Variants in NAALADL2 observed in about 807,000 individuals in gnomAD.
NAALADL2 encodes the protein N-acetylated alpha-linked acidic dipeptidase like 2.
Under a neutral mutation model 87.2 loss-of-function variants are expected in NAALADL2, and 76 were observed. That is an observed-to-expected ratio of 0.87 (90% CI 0.72 to 1.05). The LOEUF (loss-of-function observed/expected upper bound fraction) is 1.05, where lower values mean the gene tolerates loss of function less well. Among genes scored for constraint, NAALADL2 ranks in the 50% least tolerant of loss-of-function variants. NAALADL2 has a pLI of 0.00. For synonymous variants in NAALADL2, 354 were observed against 331.0 expected (o/e 1.07, Z -0.75); for missense variants, 1,089 against 945.8 (o/e 1.15, Z -1.99).
intron 2 of NAALADL2, among the ~76,000 whole-genome samples, chr3:174,571,668 C>A (rs1016411260): frequency 2.6e-5 from 4 of 152,098 alleles, no homozygotes; most frequent in Non-Finnish European, 5.9e-5. Context: ...TGTGAGCCAC[C>A]ACTACTGACC....
At chr3:175,122,722 C>A (rs1412207169) in intron 2 of NAALADL2, among the ~76,000 whole-genome samples, 1 of 151,818 alleles carries the variant, frequency 6.6e-6, no homozygotes, top group African/African-American at 2.4e-5. Context: ...ACTGCACTCA[C>A]ATTTGCATTT....
intron 11 of NAALADL2, chr3:175,718,195 G>GTGTTTTTTTT: frequency 1.2e-6 from 1 of 822,738 alleles, no homozygotes; most frequent in Non-Finnish European, 1.7e-6. Context: ...AGGGCCTGTG[G>GTGTTTTTTTT]TTTTTTTTTT....
intron 1 of NAALADL2, among the ~76,000 whole-genome samples, chr3:174,533,606 C>T (rs1721443172): frequency 7.4e-6 from 1 of 134,842 alleles, no homozygotes; most frequent in Non-Finnish European, 1.6e-5. Context: ...GAGGAAGAAG[C>T]AACACAAAGG....
intron 10 of NAALADL2, among the ~76,000 whole-genome samples, chr3:175,604,719 C>T (rs1411373662): frequency 1.3e-5 from 2 of 152,080 alleles, no homozygotes; most frequent in Non-Finnish European, 2.9e-5. Context: ...CTGCCTGAAC[C>T]ACTATCTATA....
At chr3:175,156,768 T>A (rs892490169) in intron 2 of NAALADL2, among the ~76,000 whole-genome samples, 2 of 152,092 alleles carry the variant, frequency 1.3e-5, no homozygotes, top group South Asian at 2.1e-4. Flanking sequence ...ATCACATACA[T>A]AGGTTTATAC....
At chr3:175,081,520 T>G (rs1014278116) in intron 1 of NAALADL2, among the ~76,000 whole-genome samples, 1 of 152,176 alleles carries the variant, frequency 6.6e-6, no homozygotes, top group Non-Finnish European at 1.5e-5. Flanking sequence ...GAATGACATA[T>G]GAAGACCCCC....
At chr3:175,377,550 A>C (rs1767285606) in intron 5 of NAALADL2, among the ~76,000 whole-genome samples, 1 of 152,190 alleles carries the variant, frequency 6.6e-6, no homozygotes, top group South Asian at 2.1e-4. Context: ...GGACGGGGGC[A>C]GAGAAATTCT....
At chr3:174,633,376 T>C (rs923165634) in intron 2 of NAALADL2, among the ~76,000 whole-genome samples, 2 of 152,198 alleles carry the variant, frequency 1.3e-5, no homozygotes, top group African/African-American at 4.8e-5. Flanking sequence ...AAAGCTTTGT[T>C]TTACCTTATT....
At chr3:174,474,474 A>G (rs1390366098) in intron 1 of NAALADL2, among the ~76,000 whole-genome samples, 16 of 152,132 alleles carry the variant, frequency 1.1e-4, no homozygotes, top group Admixed American at 8.5e-4. Context: ...ATATTTTGTC[A>G]GTGTGATTTT....
rs9855249 is a variant in NAALADL2, at chr3:174,529,003, C to T, written c.-183-21566C>T. On this transcript the variant is annotated intron_variant, in intron 1 of 3. Coordinates refer to the NAALADL2 transcript ENST00000434257. Reference sequence around the variant, plus strand: ...ACATTTCAAAAGTAGTCATGCCTTCCCAACAGTCCCCCAAAATCTTAACTC... The same window carrying T: ...ACATTTCAAAAGTAGTCATGCCTTCTCAACAGTCCCCCAAAATCTTAACTC... 3.8e-3 allele frequency among the ~76,000 whole-genome samples: 582 copies of T among 152,220 alleles called. 10 individuals carry two copies. Among genetic ancestry groups the T allele is most frequent in the African/African-American group, 0.014 (570 of 41,548 alleles).
At chr3:174,897,139 A>G (rs1731640995) in intron 1 of NAALADL2, among the ~76,000 whole-genome samples, 1 of 152,206 alleles carries the variant, frequency 6.6e-6, no homozygotes, top group Non-Finnish European at 1.5e-5. Context: ...CCAGAAGCAC[A>G]GACAACCAAA....
chr3:174,871,946 A>G (rs1727881427), intron 1 of NAALADL2, among the ~76,000 whole-genome samples: 2 of 152,174 alleles, frequency 1.3e-5, no homozygotes, highest in Admixed American at 1.3e-4. Flanking sequence ...GAAAAATGAT[A>G]ACATTATCCA....
chr3:175,097,836 T>C (rs1359185660), intron 2 of NAALADL2, among the ~76,000 whole-genome samples: 3 of 152,178 alleles, frequency 2.0e-5, no homozygotes, highest in Admixed American at 2.0e-4. Context: ...GAACTAGATA[T>C]GCAAGATGAG....
At chr3:174,960,481 T>C (rs941250086) in intron 1 of NAALADL2, among the ~76,000 whole-genome samples, 2 of 152,078 alleles carry the variant, frequency 1.3e-5, no homozygotes, top group Non-Finnish European at 2.9e-5. Flanking sequence ...GGACTTACTA[T>C]GAATAAGAAG....
chr3:174,847,396 A>T (rs375799217), intron 3 of NAALADL2, among the ~76,000 whole-genome samples: 49 of 152,244 alleles, frequency 3.2e-4, no homozygotes, highest in Middle Eastern at 3.4e-3. Flanking sequence ...ATGCCATATA[A>T]CTCATAATAT....
intron 1 of NAALADL2, among the ~76,000 whole-genome samples, chr3:174,957,126 A>G (rs193121797): frequency 3.0e-4 from 46 of 152,070 alleles, no homozygotes; most frequent in Admixed American, 2.9e-3. Flanking sequence ...CCCAGAACTG[A>G]TAACAAAAGG....
At chr3:174,448,287 G>C (rs971006668) in intron 1 of NAALADL2, among the ~76,000 whole-genome samples, 2 of 152,146 alleles carry the variant, frequency 1.3e-5, no homozygotes, top group African/African-American at 4.8e-5. Flanking sequence ...TGTGTGTATA[G>C]TTCTGTGTCA....
At chr3:174,966,724 A>G (rs1441318698) in intron 1 of NAALADL2, among the ~76,000 whole-genome samples, 1 of 152,182 alleles carries the variant, frequency 6.6e-6, no homozygotes, top group Admixed American at 6.6e-5. Context: ...GATGTCCAGT[A>G]GGCAACTGGA....
chr3:175,510,985 C>T (rs1731072522), intron 9 of NAALADL2, among the ~76,000 whole-genome samples: 1 of 152,140 alleles, frequency 6.6e-6, no homozygotes, highest in South Asian at 2.1e-4. Context: ...TCGGTCCTCT[C>T]TATAAAAGAG....
Sources: gnomAD v4.1 joint callset for allele counts (sites outside exome capture counted in the v4.1 genomes callset) on GRCh38, gnomAD v4.1.1 for gene constraint, MANE v1.5 for transcripts, NCBI Gene and HGNC (gene_info 2026-07-23, HGNC 2026-07-21) for gene names.